The following UPF2 variants were observed in gnomAD, a reference collection of about 807,000 sequenced individuals.
UPF2 encodes the protein regulator of nonsense transcripts 2.
UPF2 carries 17 observed loss-of-function variants against 141.4 expected under a neutral mutation model. The ratio of observed to expected loss-of-function variants is 0.12; its 90% CI spans 0.08 to 0.18. The LOEUF (loss-of-function observed/expected upper bound fraction) is 0.18, where lower values mean the gene tolerates loss of function less well. Among genes scored for constraint, UPF2 ranks in the 10% least tolerant of loss-of-function variants. The probability of loss-of-function intolerance (pLI) is 1.00; values close to 1 mark genes in which losing one functional copy is unlikely to be tolerated. For synonymous variants in UPF2, 540 were observed against 498.0 expected (o/e 1.08, Z -1.12); for missense variants, 1,152 against 1,515.9 (o/e 0.76, Z 3.99).
chr10:12,011,259 G>A (rs1834121517), intron 4 of UPF2, among the ~76,000 whole-genome samples: 1 of 152,204 alleles, frequency 6.6e-6, no homozygotes, highest in African/African-American at 2.4e-5. Flanking sequence ...CAAAGCCCTG[G>A]TATTACAGGC....
chr10:11,961,503 G>A (rs1339500339), intron 11 of UPF2, among the ~76,000 whole-genome samples: 1 of 151,984 alleles, frequency 6.6e-6, no homozygotes, highest in Admixed American at 6.6e-5. Context: ...AGCAGCAGAA[G>A]AGGGAAGAGG....
intron 15 of UPF2, among the ~76,000 whole-genome samples, chr10:11,951,148 C>T (rs543056578): frequency 6.6e-6 from 1 of 152,072 alleles, no homozygotes; most frequent in East Asian, 1.9e-4. Context: ...CTCCAACCTC[C>T]GTCTCCCGGG....
In UPF2 at chr10:11,994,735, G is replaced by A. The variant is rs140978662; in HGVS notation, c.1844+2937C>T. On this transcript the variant is annotated intron_variant, in intron 8 of 21. Coordinates refer to ENST00000357604, the MANE Select transcript of UPF2 (RefSeq NM_015542.4). ...TTTCCGCCTGTAATCCCAGCACTTT[G>A]GGAGGCCGAGGCGGGTGGATCACGA... Among the ~76,000 whole-genome samples the A allele has an allele frequency of 1.1e-4, 17 of 152,174 alleles. No homozygotes were observed. In the East Asian group the frequency reaches 3.3e-3, roughly 29 times the overall value.
In UPF2 at chr10:11,953,607, G is replaced by C. The variant is rs1413277380; in HGVS notation, c.2851-1358C>G. ...TTTTCTCTCAGCCTAAGATGTCAGA[G>C]TGAATCGAAAGGATTCTCTTCTGAG... On this transcript the variant is annotated intron_variant, in intron 14 of 21. Coordinates refer to ENST00000357604, the MANE Select transcript of UPF2 (RefSeq NM_015542.4). The surrounding 1 kb of genome is among the most constrained non-coding windows in gnomAD (Gnocchi z 5.0). Among the ~76,000 whole-genome samples the C allele has an allele frequency of 6.6e-6, 1 of 152,220 alleles. No individual in the cohort carries two copies. Among genetic ancestry groups the C allele is most frequent in the Non-Finnish European group, 1.5e-5 (1 of 68,040 alleles).
At chr10:12,027,511 A>G (rs1369911517) in intron 3 of UPF2, among the ~76,000 whole-genome samples, 5 of 152,234 alleles carry the variant, frequency 3.3e-5, no homozygotes, top group African/African-American at 1.2e-4. Flanking sequence ...AAGTATGAAT[A>G]AAGCACCACC....
chr10:11,990,097 A>C (rs1247316374), intron 8 of UPF2, among the ~76,000 whole-genome samples: 2 of 152,240 alleles, frequency 1.3e-5, no homozygotes, highest in Non-Finnish European at 2.9e-5. Context: ...GAAGCCACCC[A>C]ATCTGTCCAG....
intron 2 of UPF2, 57 bp from the exon 3 acceptor site, chr10:12,029,581 C>CAAAT: frequency 6.7e-7 from 1 of 1,492,870 alleles, no homozygotes. Flanking sequence ...GCATTATACA[C>CAAAT]AAATCCCCTA....
At chr10:11,954,317 A>C (rs1833113865) in intron 14 of UPF2, among the ~76,000 whole-genome samples, 1 of 152,022 alleles carries the variant, frequency 6.6e-6, no homozygotes, top group South Asian at 2.1e-4. Context: ...TTTTCCTCAA[A>C]AATGATAGGT....
rs1834228089 is a variant in UPF2 at position 12,016,758 on chromosome 10, C to T, written c.1146-2574G>A. Among the ~76,000 whole-genome samples the T allele has an allele frequency of 6.6e-6, 1 of 151,330 alleles. No homozygotes were observed. The highest frequency in any genetic ancestry group is 6.6e-5 in the Admixed American group (1 of 15,160). On this transcript the variant is annotated intron_variant, in intron 3 of 21. Coordinates refer to ENST00000357604, the MANE Select transcript of UPF2 (RefSeq NM_015542.4). This position sits in a 1 kb window ranked among gnomAD's most constrained non-coding sequence, Gnocchi z 4.1. ...CAATGTAGGGCCGGGCACGGTGGTT[C>T]ACGCCTATAATCCCAGCACTTTGGG... is the stretch of plus-strand genomic sequence containing the variant.
rs118004016 is a variant in UPF2 at position 12,001,769 on chromosome 10, C to G, written c.1561G>C (p.Glu521Gln). 9,465 of 1,612,660 alleles carry G rather than the reference C, an allele frequency of 5.9e-3. 35 individuals carry two copies. The highest frequency in any genetic ancestry group is 7.3e-3 in the Non-Finnish European group (8,554 of 1,179,386). Residue 521 changes from glutamate to glutamine, a missense_variant, in exon 6 of 22, where the codon GAG (glutamate) becomes CAG (glutamine). Glu to Gln is a conservative substitution (Grantham distance 29, BLOSUM62 2). Transcript: ENST00000357604. ...EVSSPDDLEL[E>Q]LENLEINDDT... ...TCATTAATTTCTAGATTCTCCAACT[C>G]AAGTTCCAAATCATCGGGACTTGAT...
Position 11,979,431 on chromosome 10 carries a change from A to G in UPF2, c.1845-266T>C, listed in dbSNP as rs1284292789. On this transcript the variant is annotated intron_variant, in intron 8 of 21. Transcript: ENST00000357604. This position sits in a 1 kb window ranked among gnomAD's most constrained non-coding sequence, Gnocchi z 6.2. ...ATGTAATTTTGATGAAATATGAAAC[A>G]CCACACACAAAAAAACAGTATGTTT... Among the ~76,000 whole-genome samples, 1 of 152,232 alleles carries G rather than the reference A, an allele frequency of 6.6e-6. No individual in the cohort carries two copies. The highest frequency in any genetic ancestry group is 6.5e-5 in the Admixed American group (1 of 15,280).
chr10:11,955,280 G>C lies in UPF2; in HGVS notation c.2802C>G (p.Asp934Glu). ...CAAGTTTTCGTTTACTGGAACCTCTGTCAAAGTACTGGCCACATGTGTCCA... is the reference window on the plus strand; with the variant it reads ...CAAGTTTTCGTTTACTGGAACCTCTCTCAAAGTACTGGCCACATGTGTCCA... ...TILDTCGQYFDRGSSKRKLDC... is the reference protein window; with the variant it reads ...TILDTCGQYFERGSSKRKLDC... Residue 934 changes from aspartate (D) to glutamate (E), a missense_variant, in exon 14 of 22, where the codon GAC becomes GAG. Asp to Glu is a conservative substitution (Grantham distance 45). Around this residue, in one of 4 missense-constraint regions of UPF2, gnomAD observed 739 missense variants for 1,032.2 expected, o/e 0.72. Transcript: ENST00000357604. 6.2e-7 allele frequency: 1 copy of C among 1,603,628 alleles called. No individual in the cohort carries two copies. Among genetic ancestry groups the C allele is most frequent in the East Asian group, 2.2e-5 (1 of 44,672 alleles).
At chr10:11,996,051 C>T (rs1162991769) in intron 8 of UPF2, among the ~76,000 whole-genome samples, 1 of 152,098 alleles carries the variant, frequency 6.6e-6, no homozygotes, top group African/African-American at 2.4e-5. Flanking sequence ...CTTAGAATTA[C>T]TCCTCTGTCT....
intron 9 of UPF2, among the ~76,000 whole-genome samples, chr10:11,972,202 T>C (rs1245490036): frequency 6.6e-6 from 1 of 152,176 alleles, no homozygotes; most frequent in Non-Finnish European, 1.5e-5. Flanking sequence ...CTGGCCCCTC[T>C]AGAAGGGCCA....
chr10:11,945,620 C>T (rs112830215), intron 16 of UPF2, among the ~76,000 whole-genome samples: 6,956 of 152,154 alleles, frequency 0.046, 243 homozygotes, highest in Middle Eastern at 0.12. Context: ...ATGCATTCTC[C>T]AACTGGAAAA....
Position 12,042,103 on chromosome 10 carries a change from T to C in UPF2, c.-19+652A>G, listed in dbSNP as rs1199465153. ...AAAAGGAAGTCAACCAAACAGCCCA[T>C]GCCCACCATCCCCAGATACACCCCA... On this transcript the variant is annotated intron_variant, in intron 1 of 21. Transcript: ENST00000357604. The surrounding 1 kb of genome is among the most constrained non-coding windows in gnomAD (Gnocchi z 5.5). 1.3e-5 allele frequency among the ~76,000 whole-genome samples: 2 copies of C among 152,040 alleles called. No homozygotes were observed. Among genetic ancestry groups the C allele is most frequent in the Admixed American group, 6.6e-5 (1 of 15,260 alleles).
chr10:11,988,089 G>A (rs1408545911), intron 8 of UPF2, among the ~76,000 whole-genome samples: 1 of 152,012 alleles, frequency 6.6e-6, no homozygotes, highest in Admixed American at 6.6e-5. Context: ...ATTTTACAGG[G>A]GCAAAGGCTG....
chr10:12,000,334 C>G (rs890309375), intron 6 of UPF2, among the ~76,000 whole-genome samples: 1 of 152,182 alleles, frequency 6.6e-6, no homozygotes, highest in East Asian at 1.9e-4. Flanking sequence ...CTTCCATTAA[C>G]AGCACTCCCA....
At chr10:11,944,460 C>T (rs1413750328) in intron 16 of UPF2, among the ~76,000 whole-genome samples, 1 of 152,166 alleles carries the variant, frequency 6.6e-6, no homozygotes, top group Non-Finnish European at 1.5e-5. Flanking sequence ...TACCACTGCA[C>T]TCCGGCCTGG....
Sources: gnomAD v4.1 joint callset for allele counts (sites outside exome capture counted in the v4.1 genomes callset) on GRCh38, gnomAD v4.1.1 for gene constraint, gnomAD v4.1.1 regional missense constraint, Gnocchi (gnomAD v3.1) non-coding constraint, MANE v1.5 for transcripts, NCBI Gene and HGNC (gene_info 2026-07-23, HGNC 2026-07-21) for gene names.